The following GASK1A variants were observed in gnomAD, a reference collection of about 807,000 sequenced individuals.
GASK1A encodes golgi associated kinase 1A, also known as Golgi-associated kinase 1A.
Under a neutral mutation model 41.2 loss-of-function variants are expected in GASK1A, and 40 were observed. The observed-to-expected ratio is 0.97, with a 90% CI of 0.75 to 1.27. The LOEUF (loss-of-function observed/expected upper bound fraction) is 1.27, where lower values mean the gene tolerates loss of function less well. GASK1A is among the 50% of genes most tolerant of loss of function. The pLI, the probability that GASK1A is intolerant of heterozygous loss-of-function variation, is 0.00. For synonymous variants in GASK1A, 316 were observed against 307.1 expected (o/e 1.03, Z -0.30); for missense variants, 678 against 745.1 (o/e 0.91, Z 1.05).
At chr3:43,029,370 A>G (rs920651372) in intron 1 of GASK1A, among the ~76,000 whole-genome samples, 6 of 152,060 alleles carry the variant, frequency 3.9e-5, no homozygotes, top group Admixed American at 3.3e-4. Context: ...TTACTGGGCA[A>G]TGGTGGTGTG....
intron 2 of GASK1A, among the ~76,000 whole-genome samples, chr3:43,044,794 C>A (rs150296765): frequency 9.8e-4 from 149 of 152,210 alleles, no homozygotes; most frequent in African/African-American, 3.4e-3. Context: ...ACATGAAATT[C>A]AATTTCAGTG....
chr3:42,991,367 T>A (rs749642079), intron 1 of GASK1A, among the ~76,000 whole-genome samples: 1 of 152,024 alleles, frequency 6.6e-6, no homozygotes, highest in African/African-American at 2.4e-5. Flanking sequence ...CACGCAGATA[T>A]ACACACACAC....
At chr3:43,005,808 T>C (rs539136928) in intron 1 of GASK1A, among the ~76,000 whole-genome samples, 29 of 152,224 alleles carry the variant, frequency 1.9e-4, no homozygotes, top group Non-Finnish European at 3.7e-4. Context: ...CACCTCAAAC[T>C]GTGGCAAAAG....
At chr3:42,983,764 C>A (rs1008158188) in intron 1 of GASK1A, among the ~76,000 whole-genome samples, 1 of 152,222 alleles carries the variant, frequency 6.6e-6, no homozygotes, top group African/African-American at 2.4e-5. Context: ...CCCTTACTTG[C>A]AGCTCCTGCT....
chr3:43,008,963 G>C (rs2089449520), intron 1 of GASK1A, among the ~76,000 whole-genome samples: 1 of 152,320 alleles, frequency 6.6e-6, no homozygotes, highest in South Asian at 2.1e-4. Flanking sequence ...GAGTTCCCAA[G>C]TACCTTGGAG....
At chr3:43,037,071 AC>A (rs2089608324) in intron 2 of GASK1A, 3 of 556,634 alleles carry the variant, frequency 5.4e-6, no homozygotes, top group Admixed American at 2.7e-5. Flanking sequence ...GAGCATGCTC[AC>A]TCTTGGGTGC....
intron 1 of GASK1A, among the ~76,000 whole-genome samples, chr3:43,020,972 T>C (rs183185588): frequency 6.6e-6 from 1 of 152,350 alleles, no homozygotes; most frequent in Admixed American, 6.5e-5. Context: ...GAACCCAGAA[T>C]TGTAAACAAA....
At chr3:42,997,668 C>T (rs571407768) in intron 1 of GASK1A, among the ~76,000 whole-genome samples, 74 of 152,266 alleles carry the variant, frequency 4.9e-4, no homozygotes, top group African/African-American at 1.7e-3. Context: ...TATTGAGCAT[C>T]TATTGCGGGT....
At chr3:43,043,860 A>C (rs1344668481) in intron 2 of GASK1A, among the ~76,000 whole-genome samples, 1 of 152,214 alleles carries the variant, frequency 6.6e-6, no homozygotes, top group Admixed American at 6.5e-5. Flanking sequence ...ATGAAAGGTA[A>C]GCTTGGTCTT....
intron 2 of GASK1A, among the ~76,000 whole-genome samples, chr3:43,048,618 G>C (rs1383769241): frequency 6.6e-6 from 1 of 152,120 alleles, no homozygotes; most frequent in Non-Finnish European, 1.5e-5. Flanking sequence ...CTGCTGTGGG[G>C]TATCATTCCC....
intron 1 of GASK1A, among the ~76,000 whole-genome samples, chr3:42,981,461 A>G (rs1341486825): frequency 1.3e-5 from 2 of 152,214 alleles, no homozygotes; most frequent in African/African-American, 4.8e-5. Context: ...ATTTAGCTCC[A>G]AAAATGGGTG....
rs2089584151 is a variant in GASK1A at position 43,032,791 on chromosome 3, G to T, written c.528G>T (p.Gly176=). The T allele has an allele frequency of 6.4e-7, 1 of 1,550,882 alleles. No homozygotes were observed. ...EVVTLVSPLP[G]SDMAALPAWR... ...TCACCCTGGTCAGTCCACTCCCAGGGAGTGACATGGCAGCTTTACCGGCTT... is the reference window on the plus strand; with the variant it reads ...TCACCCTGGTCAGTCCACTCCCAGGTAGTGACATGGCAGCTTTACCGGCTT... Residue 176 remains glycine (G), a synonymous_variant, in exon 2 of 5, where the codon GGG becomes GGT. Coordinates refer to ENST00000430121, the MANE Select transcript of GASK1A (RefSeq NM_001129908.3).
chr3:43,017,186 G>A (rs368551540), intron 1 of GASK1A, among the ~76,000 whole-genome samples: 10 of 148,186 alleles, frequency 6.7e-5, no homozygotes, highest in African/African-American at 2.2e-4. Flanking sequence ...GGCAGTGTTA[G>A]GTCACAGGAA....
intron 2 of GASK1A, among the ~76,000 whole-genome samples, chr3:43,038,588 A>C (rs747893105): frequency 2.5e-4 from 25 of 99,120 alleles, no homozygotes; most frequent in African/African-American, 3.9e-4. Context: ...GCGAAAAAAA[A>C]CTCTTTGATC....
intron 2 of GASK1A, among the ~76,000 whole-genome samples, chr3:43,037,698 C>A (rs2089611412): frequency 1.3e-5 from 2 of 152,168 alleles, no homozygotes; most frequent in Non-Finnish European, 2.9e-5. Flanking sequence ...GACTCCCACT[C>A]TTAAAATGAA....
chr3:43,036,294 T>G (rs2089603970), intron 2 of GASK1A, among the ~76,000 whole-genome samples: 1 of 152,202 alleles, frequency 6.6e-6, no homozygotes, highest in Admixed American at 6.5e-5. Context: ...TGCCACCTTC[T>G]TAGAAACCAT....
intron 2 of GASK1A, among the ~76,000 whole-genome samples, chr3:43,038,484 C>T (rs1056016490): frequency 2.0e-5 from 3 of 151,986 alleles, no homozygotes; most frequent in African/African-American, 4.8e-5. Context: ...CTAGCCGTTT[C>T]GAATATCAAC....
At chr3:43,018,858 G>A (rs2089507407) in intron 1 of GASK1A, among the ~76,000 whole-genome samples, 1 of 152,138 alleles carries the variant, frequency 6.6e-6, no homozygotes, top group South Asian at 2.1e-4. Context: ...TTGGAATTAG[G>A]GCTGGAGCAG....
chr3:43,047,620 AGG>A (rs2089670579), intron 2 of GASK1A, among the ~76,000 whole-genome samples: 1 of 152,096 alleles, frequency 6.6e-6, no homozygotes, highest in Admixed American at 6.5e-5. Context: ...ACGGTTGTTG[AGG>A]GGAGAGGTTC....
Sources: allele counts gnomAD v4.1 joint callset (sites outside exome capture counted in the v4.1 genomes callset), GRCh38; gene constraint gnomAD v4.1.1; transcripts MANE v1.5; gene names NCBI Gene and HGNC (gene_info 2026-07-23, HGNC 2026-07-21).